The following PAIP2 variants were observed in gnomAD, a reference collection of about 807,000 sequenced individuals.
PAIP2 encodes the protein polyadenylate-binding protein-interacting protein 2.
A neutral mutation model predicts 14.8 loss-of-function variants in PAIP2; 7 were observed. The ratio of observed to expected loss-of-function variants is 0.47; its 90% CI spans 0.27 to 0.89. The LOEUF (loss-of-function observed/expected upper bound fraction) is 0.89, where lower values mean the gene tolerates loss of function less well. PAIP2 is among the 40% of genes least tolerant of loss of function. The pLI is 0.13. For synonymous variants in PAIP2, 47 were observed against 45.3 expected, an observed-to-expected ratio of 1.04 and a Z score of -0.15; for missense variants, 122 against 154.7, an observed-to-expected ratio of 0.79 and a Z score of 1.12.
intron 3 of PAIP2, chr5:139,367,418 G>A (rs963521075): frequency 2.0e-5 from 3 of 152,062 alleles, no homozygotes; most frequent in African/African-American, 7.2e-5. Flanking sequence ...AAGATTTAGA[G>A]ACATAGCATA....
At chr5:139,354,701 C>T (rs1320096896) in intron 1 of PAIP2, among the ~76,000 whole-genome samples, 1 of 152,132 alleles carries the variant, frequency 6.6e-6, no homozygotes, top group Non-Finnish European at 1.5e-5. Flanking sequence ...TTCATTTCCT[C>T]ATTCTGCTTC....
chr5:139,355,157 TG>T (rs1181803863), intron 1 of PAIP2, among the ~76,000 whole-genome samples: 1 of 142,604 alleles, frequency 7.0e-6, no homozygotes, highest in African/African-American at 2.6e-5. Flanking sequence ...AATTTCTATT[TG>T]TCTCTCTCTT....
chr5:139,368,404 C>T (rs1757430578), intron 3 of PAIP2, among the ~76,000 whole-genome samples: 1 of 152,004 alleles, frequency 6.6e-6, no homozygotes, highest in Admixed American at 6.5e-5. Context: ...TGGCACGCGC[C>T]TGTAGTCCCA....
chr5:139,342,969 A>T (rs1756428564), intron 1 of PAIP2: 1 of 152,126 alleles, frequency 6.6e-6, no homozygotes, highest in Non-Finnish European at 1.5e-5. Flanking sequence ...CGGAAAGTAG[A>T]TGTTCATGTT....
Position 139,368,964 on chromosome 5 carries a change from G to A in PAIP2, c.*166G>A, listed in dbSNP as rs1409961842. On this transcript the variant is annotated 3_prime_UTR_variant, in exon 4 of 4. Transcript: ENST00000265192. ...ATAAAAGTGCTGAGACTGTTACTAAGTAAAAAGCTGTCAAACATTTACTGA... is the reference window on the plus strand; with the variant it reads ...ATAAAAGTGCTGAGACTGTTACTAAATAAAAAGCTGTCAAACATTTACTGA... 7.8e-6 allele frequency: 4 copies of A among 515,842 alleles called. No individual in the cohort carries two copies. Among genetic ancestry groups the A allele is most frequent in the East Asian group, 3.3e-5 (1 of 30,424 alleles). 32.0% of individuals were successfully genotyped at this position (515,842 alleles called of 1,614,324 possible).
At chr5:139,364,982 TA>T (rs994429730) in intron 3 of PAIP2, 15 of 253,194 alleles carry the variant, frequency 5.9e-5, no homozygotes, top group Non-Finnish European at 1.1e-4. Context: ...CCATCTCTAC[TA>T]AAAATAAAAA....
At chr5:139,348,988 T>C (rs1756645123) in intron 1 of PAIP2, among the ~76,000 whole-genome samples, 1 of 152,160 alleles carries the variant, frequency 6.6e-6, no homozygotes, top group Admixed American at 6.5e-5. Flanking sequence ...AGTGATGAAT[T>C]TAGTAAAATA....
At chr5:139,348,337 C>T (rs1472230690) in intron 1 of PAIP2, among the ~76,000 whole-genome samples, 4 of 151,044 alleles carry the variant, frequency 2.6e-5, no homozygotes, top group Non-Finnish European at 4.4e-5. Flanking sequence ...AACAGGGGAC[C>T]ACCACCAAGC....
intron 1 of PAIP2, among the ~76,000 whole-genome samples, chr5:139,349,910 G>A (rs1457250495): frequency 6.6e-6 from 1 of 152,120 alleles, no homozygotes; most frequent in Non-Finnish European, 1.5e-5. Flanking sequence ...GCTGAGGCAG[G>A]AGAATCACTT....
intron 1 of PAIP2, among the ~76,000 whole-genome samples, chr5:139,349,043 T>C (rs1016599661): frequency 6.6e-6 from 1 of 152,350 alleles, no homozygotes; most frequent in Non-Finnish European, 1.5e-5. Flanking sequence ...ATTCAAAAAT[T>C]ATTTTAAAAC....
intron 1 of PAIP2, among the ~76,000 whole-genome samples, chr5:139,349,925 G>A (rs964540467): frequency 6.6e-6 from 1 of 151,552 alleles, no homozygotes; most frequent in Non-Finnish European, 1.5e-5. Flanking sequence ...TCACTTGAAC[G>A]CGGGAGGCAG....
At chr5:139,366,323 A>G (rs1757249518) in intron 3 of PAIP2, among the ~76,000 whole-genome samples, 1 of 152,106 alleles carries the variant, frequency 6.6e-6, no homozygotes. Context: ...CCTATGAAGC[A>G]TTAAATACAA....
Position 139,368,399 on chromosome 5 carries a change from C to T in PAIP2, c.319-334C>T, listed in dbSNP as rs149745832. ...AAAAAATTAGTTGGGTGTGGTGGCA[C>T]GCGCCTGTAGTCCCAGCTACTCAGG... On this transcript the variant is annotated intron_variant, in intron 3 of 3. Transcript: ENST00000265192. Among the ~76,000 whole-genome samples the T allele has an allele frequency of 3.0e-3, 448 of 151,000 alleles. 3 individuals are homozygous for T. The highest frequency in any genetic ancestry group is 9.5e-3 in the African/African-American group (392 of 41,172).
intron 1 of PAIP2, among the ~76,000 whole-genome samples, chr5:139,351,911 C>T (rs951685266): frequency 1.3e-5 from 2 of 152,110 alleles, no homozygotes; most frequent in Non-Finnish European, 2.9e-5. Context: ...CCTCCCGCAT[C>T]GGCCTACACT....
chr5:139,354,339 A>G (rs970606507), intron 1 of PAIP2, among the ~76,000 whole-genome samples: 2 of 152,068 alleles, frequency 1.3e-5, no homozygotes, highest in East Asian at 1.9e-4. Context: ...CATTTTGAAT[A>G]TGTTACCTTC....
rs968896037 is a variant in PAIP2 at position 139,351,168 on chromosome 5, C to T, written c.-27+9188C>T. ...TGTTGAAGATGCAGCAAAATGGATG[C>T]ACCCAAACAGTATAATAGGAATGCG... On this transcript the variant is annotated intron_variant, in intron 1 of 3. Transcript: ENST00000265192. Among the ~76,000 whole-genome samples the T allele has an allele frequency of 5.3e-5, 8 of 152,080 alleles. No individual in the cohort carries two copies. The East Asian group carries it at 1.5e-3, about 29-fold the overall frequency.
chr5:139,365,852 A>G (rs902517853), intron 3 of PAIP2, among the ~76,000 whole-genome samples: 1 of 152,166 alleles, frequency 6.6e-6, no homozygotes, highest in Non-Finnish European at 1.5e-5. Context: ...AACACACACA[A>G]TATTATCATG....
chr5:139,368,945 G>A lies in PAIP2; in HGVS notation c.*147G>A, dbSNP rs1333839227. ...TGTTAGTCTTGCATGCTTAATAAAA[G>A]TGCTGAGACTGTTACTAAGTAAAAA... On this transcript the variant is annotated 3_prime_UTR_variant, in exon 4 of 4. Coordinates refer to ENST00000265192, the MANE Select transcript of PAIP2 (RefSeq NM_016480.5). 1.7e-6 allele frequency: 1 copy of A among 582,614 alleles called. No individual in the cohort carries two copies. The highest frequency in any genetic ancestry group is 3.1e-6 in the Non-Finnish European group (1 of 323,142). 36.1% of individuals were successfully genotyped at this position (582,614 alleles called of 1,614,324 possible). A position where few individuals can be genotyped will look rare whatever the true frequency, so the allele number is the denominator to read the frequency against.
intron 3 of PAIP2, among the ~76,000 whole-genome samples, chr5:139,365,489 C>CA (rs1055172988): frequency 6.7e-5 from 10 of 148,498 alleles, no homozygotes; most frequent in East Asian, 3.9e-4. Context: ...GACTCTGACT[C>CA]AAAAAAAAGA....
Sources: allele counts gnomAD v4.1 joint callset (sites outside exome capture counted in the v4.1 genomes callset), GRCh38; gene constraint gnomAD v4.1.1; transcripts MANE v1.5; gene names NCBI Gene and HGNC (gene_info 2026-07-23, HGNC 2026-07-21).